The following KNG1 variants were observed in gnomAD, a reference collection of about 807,000 sequenced individuals.
KNG1 encodes the protein kininogen 1, also known as kininogen-1.
In KNG1, 23 loss-of-function variants were observed where a neutral mutation model predicts 47.8. The ratio of observed to expected loss-of-function variants is 0.48; its 90% confidence interval spans 0.35 to 0.68. KNG1 has a LOEUF of 0.68. Ranked by LOEUF, KNG1 falls within the 30% of genes least tolerant of loss-of-function variation. The pLI is 0.01. For synonymous variants in KNG1, 277 were observed against 277.0 expected, an observed-to-expected ratio of 1.00 and a Z score of 0.00; for missense variants, 762 against 790.2, an observed-to-expected ratio of 0.96 and a Z score of 0.43.
chr3:186,719,553 T>C (rs1656908), intron 1 of KNG1, among the ~76,000 whole-genome samples: 69,629 of 151,602 alleles, frequency 0.46, 16,558 homozygotes, highest in South Asian at 0.62. Flanking sequence ...ATGGTGAAAC[T>C]CAGTCTCTAC....
intron 7 of KNG1, chr3:186,738,201 C>T (rs780234441): frequency 2.0e-5 from 3 of 151,930 alleles, no homozygotes; most frequent in Non-Finnish European, 4.4e-5. Flanking sequence ...TGGTCTTGAA[C>T]AGCTGGCCTT....
Position 186,742,328 on chromosome 3 carries a change from T to G in KNG1, c.1932T>G (p.Ser644=). Residue 644 remains serine (S), a synonymous_variant, in exon 10 of 10, where the codon TCT becomes TCG. Coordinates refer to ENST00000644859, the MANE Select transcript of KNG1 (RefSeq NM_001102416.3). ...ATTTCGATCTCACTGATGGCCTTTC[T>G]TAATTTAAGTGGCTATGGGTATTTC... is the stretch of plus-strand genomic sequence containing the variant. ...SYYFDLTDGL[S] The G allele has an allele frequency of 6.2e-7, 1 of 1,613,884 alleles. No individual in the cohort carries two copies. The highest frequency in any genetic ancestry group is 8.5e-7 in the Non-Finnish European group (1 of 1,179,904).
chr3:186,730,118 A>G (rs1720473835), intron 5 of KNG1, among the ~76,000 whole-genome samples: 1 of 151,612 alleles, frequency 6.6e-6, no homozygotes, highest in South Asian at 2.1e-4. Context: ...TGCTGTTCTA[A>G]TAACATTATA....
intron 7 of KNG1, chr3:186,736,746 C>T (rs1720677950): frequency 6.6e-6 from 1 of 152,164 alleles, no homozygotes; most frequent in Non-Finnish European, 1.5e-5. Flanking sequence ...ATTCACATCA[C>T]CTGGGTATAA....
chr3:186,734,003 C>T (rs1299550164), intron 7 of KNG1, among the ~76,000 whole-genome samples: 1 of 152,080 alleles, frequency 6.6e-6, no homozygotes, highest in Non-Finnish European at 1.5e-5. Context: ...CTAGCAACTC[C>T]AATAGTCTCT....
At chr3:186,728,404 A>G (rs1475122966) in intron 5 of KNG1, 1 of 152,178 alleles carries the variant, frequency 6.6e-6, no homozygotes, top group Non-Finnish European at 1.5e-5. Context: ...AGTTTATGCA[A>G]CATTACAGAA....
chr3:186,719,126 C>A (rs1021915413), intron 1 of KNG1, among the ~76,000 whole-genome samples: 1 of 152,054 alleles, frequency 6.6e-6, no homozygotes, highest in Non-Finnish European at 1.5e-5. Flanking sequence ...GTGAGAAATT[C>A]TGCTTCATGG....
At chr3:186,739,488 G>T in intron 9 of KNG1, 74 bp downstream of exon 9, 1 of 984,556 alleles carries the variant, frequency 1.0e-6, no homozygotes. Flanking sequence ...GGCTGAAAAT[G>T]AACCATTACT....
At position 186,742,533 on chromosome 3, in the gene KNG1, CT is replaced by C; in HGVS notation, c.*206del. On this transcript the variant is annotated 3_prime_UTR_variant, in exon 10 of 10. Coordinates refer to ENST00000644859, the MANE Select transcript of KNG1 (RefSeq NM_001102416.3). ...AAAATTGTGTGCCACAATTCTAACTCTTTTCTGAATCTTCTTCCCAAGTTTT... is the reference window on the plus strand; with the variant it reads ...AAAATTGTGTGCCACAATTCTAACTCTTTCTGAATCTTCTTCCCAAGTTTT... 2.1e-6 allele frequency: 3 copies of C among 1,409,750 alleles called. No homozygotes were observed. Among genetic ancestry groups the C allele is most frequent in the Non-Finnish European group, 1.8e-6 (2 of 1,086,928 alleles). 87.3% of individuals were successfully genotyped at this position (1,409,750 alleles called of 1,614,324 possible). A position where few individuals can be genotyped will look rare whatever the true frequency, so the allele number is the denominator to read the frequency against.
chr3:186,718,707 A>G (rs1231468004), intron 1 of KNG1: 2 of 152,202 alleles, frequency 1.3e-5, no homozygotes, highest in African/African-American at 4.8e-5. Context: ...ATAGAACTCC[A>G]AACCTTTAAT....
chr3:186,729,086 G>A (rs1241924444), intron 5 of KNG1: 1 of 152,284 alleles, frequency 6.6e-6, no homozygotes, highest in Admixed American at 6.5e-5. Context: ...ACAACCCACA[G>A]AATGAGAGAA....
intron 7 of KNG1, among the ~76,000 whole-genome samples, chr3:186,737,568 G>T (rs1443865705): frequency 1.3e-5 from 2 of 151,664 alleles, no homozygotes; most frequent in Non-Finnish European, 2.9e-5. Context: ...GTTTTGTTTT[G>T]TTTCCCGAAA....
chr3:186,720,225 T>C lies in KNG1; in HGVS notation c.306+10T>C. ...GGATGCTGCAAAAGCAGTAAGTGTA[T>C]TGGCCATTCTTGGGCCTTCTGTTTT... On this transcript the variant is annotated intron_variant, in intron 2 of 9. Coordinates refer to ENST00000644859, the MANE Select transcript of KNG1 (RefSeq NM_001102416.3). The C allele has an allele frequency of 6.4e-7, 1 of 1,553,510 alleles. No individual in the cohort carries two copies. Among genetic ancestry groups the C allele is most frequent in the East Asian group, 2.2e-5 (1 of 44,604 alleles).
chr3:186,726,498 C>A (rs1332537388), intron 4 of KNG1, among the ~76,000 whole-genome samples: 1 of 150,766 alleles, frequency 6.6e-6, no homozygotes, highest in Admixed American at 6.6e-5. Flanking sequence ...CCATGTCGGC[C>A]AGGCTGGTCT....
At position 186,729,316 on chromosome 3, in the gene KNG1, C is replaced by G. The variant is rs554916803; in HGVS notation, c.672+1972C>G. On this transcript the variant is annotated intron_variant, in intron 5 of 9. Transcript: ENST00000644859. ...ATTACTATGTGACCCAGAAGTTGCACTCTTAGGTATATGCCCAAAAGAACT... is the reference window on the plus strand; with the variant it reads ...ATTACTATGTGACCCAGAAGTTGCAGTCTTAGGTATATGCCCAAAAGAACT... Among the ~76,000 whole-genome samples, 4 of 152,258 alleles carry G rather than the reference C, an allele frequency of 2.6e-5. No homozygotes were observed. The South Asian group carries it at 6.2e-4, about 24-fold the overall frequency.
At chr3:186,735,384 G>A (rs1004346436) in intron 7 of KNG1, among the ~76,000 whole-genome samples, 1 of 152,230 alleles carries the variant, frequency 6.6e-6, no homozygotes, top group African/African-American at 2.4e-5. Context: ...TTGGGAGGCC[G>A]AGGCAGGTGG....
At chr3:186,722,596 C>T (rs1720236521) in intron 3 of KNG1, 75 bp downstream of exon 3, 2 of 1,191,160 alleles carry the variant, frequency 1.7e-6, no homozygotes, top group Non-Finnish European at 2.5e-6. Flanking sequence ...CAATCTTGAC[C>T]AGGCTCTGCT....
At chr3:186,740,163 C>T (rs1331314042) in intron 9 of KNG1, among the ~76,000 whole-genome samples, 1 of 152,098 alleles carries the variant, frequency 6.6e-6, no homozygotes, top group South Asian at 2.1e-4. Context: ...GAAAAGCATT[C>T]GTTGATGTCA....
Position 186,722,428 on chromosome 3 carries a change from T to A in KNG1, c.307-9T>A. The A allele has an allele frequency of 6.2e-7, 1 of 1,607,612 alleles. No individual in the cohort carries two copies. On this transcript the variant is annotated splice_polypyrimidine_tract_variant and intron_variant, in intron 2 of 9. Coordinates refer to ENST00000644859, the MANE Select transcript of KNG1 (RefSeq NM_001102416.3). ...ATTAAGATAAATGATCTCTTTCTTT[T>A]CTTTTTAGGCCACTGGAGAATGCAC...
Sources: allele counts gnomAD v4.1 joint callset (sites outside exome capture counted in the v4.1 genomes callset), GRCh38; gene constraint gnomAD v4.1.1; transcripts MANE v1.5; gene names NCBI Gene and HGNC (gene_info 2026-07-23, HGNC 2026-07-21).